The following COX7B2 variants were observed in gnomAD, a reference collection of about 807,000 sequenced individuals.
COX7B2 encodes the protein cytochrome c oxidase subunit 7B2, mitochondrial.
For missense variants in COX7B2, 109 were observed against 95.9 expected, an observed-to-expected ratio of 1.14 and a Z score of -0.57; for synonymous variants, 37 against 32.1, an observed-to-expected ratio of 1.15 and a Z score of -0.51.
intron 1 of COX7B2, among the ~76,000 whole-genome samples, chr4:46,845,303 A>G (rs183543849): frequency 1.8e-4 from 27 of 151,956 alleles, no homozygotes; most frequent in Admixed American, 1.8e-3. Context: ...TCTTTTTTAT[A>G]CCAGCTACCT....
At position 46,792,984 on chromosome 4, in the gene COX7B2, C is replaced by T. The variant is rs183572236; in HGVS notation, c.-50+51976G>A. On this transcript the variant is annotated intron_variant, in intron 2 of 2. Coordinates refer to ENST00000355591, the MANE Select transcript of COX7B2 (RefSeq NM_130902.3). ...CCACAAATCAACCAACAGTTCCAAC[C>T]ACAAGCAAGATGTAAGAATTAAAGA... Among the ~76,000 whole-genome samples the T allele has an allele frequency of 1.2e-3, 187 of 152,290 alleles. 1 individual carries two copies. The highest frequency in any genetic ancestry group is 4.3e-3 in the African/African-American group (177 of 41,564).
intron 1 of COX7B2, among the ~76,000 whole-genome samples, chr4:46,893,776 TACAG>T (rs1330554776): frequency 6.6e-5 from 10 of 152,148 alleles, no homozygotes; most frequent in Admixed American, 1.3e-4. Flanking sequence ...CTCTTCTCTC[TACAG>T]ACAATGATAT....
intron 2 of COX7B2, among the ~76,000 whole-genome samples, chr4:46,754,720 G>GTATATATATATATATATA (rs1244503006): frequency 1.6e-4 from 6 of 36,836 alleles, no homozygotes; most frequent in African/African-American, 2.7e-4. Flanking sequence ...GTGTGTGTGT[G>GTATATATATATATATATA]TGTGTGTGTA....
intron 2 of COX7B2, among the ~76,000 whole-genome samples, chr4:46,806,505 C>T (rs536254585): frequency 1.0e-3 from 154 of 152,094 alleles, no homozygotes; most frequent in African/African-American, 3.5e-3. Context: ...ATTAACATAT[C>T]CACCATTTCA....
At chr4:46,758,592 T>C (rs1478770786) in intron 2 of COX7B2, among the ~76,000 whole-genome samples, 2 of 152,290 alleles carry the variant, frequency 1.3e-5, no homozygotes, top group East Asian at 3.9e-4. Flanking sequence ...AAGCTGTATA[T>C]GAATAGCTGT....
In COX7B2 at chr4:46,789,066, A is replaced by AT. The variant is rs546133218; in HGVS notation, c.-49-53826dup. Among the ~76,000 whole-genome samples, 189 of 152,200 alleles carry AT rather than the reference A, an allele frequency of 1.2e-3. 1 individual carries two copies. Among genetic ancestry groups the AT allele is most frequent in the African/African-American group, 4.2e-3 (176 of 41,534 alleles). ...TTTCTGAACTTCACAAACATGGGCA[A>AT]TTTTTTTACAGAAGAGCAAAATTAA... On this transcript the variant is annotated intron_variant, in intron 2 of 2. Coordinates refer to ENST00000355591, the MANE Select transcript of COX7B2 (RefSeq NM_130902.3).
chr4:46,860,756 TAC>T (rs1252111083), intron 1 of COX7B2, among the ~76,000 whole-genome samples: 7 of 152,202 alleles, frequency 4.6e-5, no homozygotes, highest in Non-Finnish European at 1.0e-4. Flanking sequence ...ACGTTTCATT[TAC>T]AGTTTTTGCT....
intron 1 of COX7B2, among the ~76,000 whole-genome samples, chr4:46,848,627 C>T (rs1716452734): frequency 6.6e-6 from 1 of 151,986 alleles, no homozygotes; most frequent in Non-Finnish European, 1.5e-5. Context: ...TGAGCACTTA[C>T]TTAGTTACAC....
chr4:46,858,293 G>T (rs959513287), intron 1 of COX7B2, among the ~76,000 whole-genome samples: 1 of 152,014 alleles, frequency 6.6e-6, no homozygotes, highest in South Asian at 2.1e-4. Context: ...GGGGGGGTTC[G>T]CCATATTGGC....
intron 2 of COX7B2, among the ~76,000 whole-genome samples, chr4:46,753,568 T>C (rs997033129): frequency 6.6e-6 from 1 of 151,834 alleles, no homozygotes; most frequent in Non-Finnish European, 1.5e-5. Flanking sequence ...TAATTCAAGA[T>C]GGATTAAAGA....
chr4:46,824,610 A>G (rs1714545625), intron 2 of COX7B2, among the ~76,000 whole-genome samples: 2 of 148,346 alleles, frequency 1.3e-5, no homozygotes, highest in Admixed American at 1.4e-4. Flanking sequence ...CAACTTTCTG[A>G]TGTATTTCTG....
intron 2 of COX7B2, among the ~76,000 whole-genome samples, chr4:46,803,982 G>A (rs994734044): frequency 5.3e-5 from 8 of 152,098 alleles, no homozygotes; most frequent in African/African-American, 1.9e-4. Context: ...CCCTTGCAGT[G>A]TTACAGTTCT....
chr4:46,905,815 T>TTTTTTTTC (rs1553899845), intron 1 of COX7B2, among the ~76,000 whole-genome samples: 516 of 13,702 alleles, frequency 0.038, 10 homozygotes, highest in Non-Finnish European at 0.074. Context: ...CATATATTTC[T>TTTTTTTTC]TTTTTTTTTT....
At chr4:46,768,004 C>T (rs1044654444) in intron 2 of COX7B2, among the ~76,000 whole-genome samples, 32 of 152,352 alleles carry the variant, frequency 2.1e-4, no homozygotes, top group Admixed American at 1.5e-3. Flanking sequence ...GGAACGAACC[C>T]TGTACAGGCC....
intron 1 of COX7B2, among the ~76,000 whole-genome samples, chr4:46,866,639 G>A (rs553718128): frequency 6.6e-6 from 1 of 152,184 alleles, no homozygotes; most frequent in South Asian, 2.1e-4. Context: ...TAGTGGCTTT[G>A]CCTACCTGAG....
chr4:46,824,946 G>A (rs1423195864), intron 2 of COX7B2, among the ~76,000 whole-genome samples: 1 of 151,982 alleles, frequency 6.6e-6, no homozygotes. Context: ...GCAAACGCTG[G>A]AAGCATTCCC....
intron 2 of COX7B2, among the ~76,000 whole-genome samples, chr4:46,744,738 A>ATTTTTT (rs773481406): frequency 5.9e-4 from 74 of 124,652 alleles, no homozygotes; most frequent in Admixed American, 1.1e-3. Context: ...AGATATTTTA[A>ATTTTTT]TTTTTTTTTT....
intron 2 of COX7B2, among the ~76,000 whole-genome samples, chr4:46,756,558 C>CA (rs1449602203): frequency 6.6e-6 from 1 of 151,810 alleles, no homozygotes; most frequent in Non-Finnish European, 1.5e-5. Context: ...ACCTGACAAA[C>CA]GACTAATATC....
chr4:46,764,599 C>T (rs1716415260), intron 2 of COX7B2, among the ~76,000 whole-genome samples: 1 of 144,208 alleles, frequency 6.9e-6, no homozygotes, highest in Admixed American at 7.0e-5. Context: ...GAAATGTACA[C>T]ATTTATTGAA....
Sources: gnomAD v4.1 joint callset for allele counts (sites outside exome capture counted in the v4.1 genomes callset) on GRCh38, gnomAD v4.1.1 for gene constraint, MANE v1.5 for transcripts, NCBI Gene and HGNC (gene_info 2026-07-23, HGNC 2026-07-21) for gene names.